The following GALNT13 variants were observed in gnomAD, a reference collection of about 807,000 sequenced individuals.
The protein encoded by GALNT13 is UDP-GalNAc:polypeptide N-acetylgalactosaminyltransferase 13.
A neutral mutation model predicts 64.2 loss-of-function variants in GALNT13; 28 were observed. The observed-to-expected ratio is 0.44, with a 90% CI of 0.32 to 0.60. GALNT13 has a LOEUF of 0.60. GALNT13 is among the 20% of genes least tolerant of loss of function. GALNT13 has a pLI of 0.05. For synonymous variants in GALNT13, 214 were observed against 224.6 expected (o/e 0.95, Z 0.42); for missense variants, 577 against 669.8 (o/e 0.86, Z 1.53).
At chr2:153,950,782 T>C (rs1334919545) in intron 3 of GALNT13, among the ~76,000 whole-genome samples, 4 of 152,104 alleles carry the variant, frequency 2.6e-5, no homozygotes, top group African/African-American at 4.8e-5. Context: ...CTTGAACATA[T>C]AATAGTAAAT....
chr2:154,302,764 G>T (rs939963315), intron 9 of GALNT13, among the ~76,000 whole-genome samples: 6 of 152,206 alleles, frequency 3.9e-5, no homozygotes, highest in African/African-American at 1.4e-4. Context: ...ATAGGAAAGA[G>T]TGACTGGGTT....
intron 4 of GALNT13, among the ~76,000 whole-genome samples, chr2:154,159,176 C>T (rs909860650): frequency 6.6e-6 from 1 of 150,832 alleles, no homozygotes; most frequent in African/African-American, 2.4e-5. Context: ...ACTCTGTTGC[C>T]CAGGCTGGAA....
the GALNT13 span, among the ~76,000 whole-genome samples, chr2:153,224,829 T>G: frequency 1.3e-4 from 20 of 152,332 alleles, no homozygotes; most frequent in African/African-American, 4.8e-4. Context: ...CCTTTACATA[T>G]TAAATATTTT....
the GALNT13 span, among the ~76,000 whole-genome samples, chr2:153,382,546 T>A: frequency 1.3e-5 from 2 of 152,146 alleles, no homozygotes; most frequent in Non-Finnish European, 2.9e-5. Flanking sequence ...GGTGTATATG[T>A]ACTACATTTT....
At chr2:154,288,693 G>T (rs1692420223) in intron 8 of GALNT13, among the ~76,000 whole-genome samples, 1 of 152,192 alleles carries the variant, frequency 6.6e-6, no homozygotes, top group South Asian at 2.1e-4. Context: ...GCTCCCAAAT[G>T]ATTCCGTTGA....
intron 3 of GALNT13, among the ~76,000 whole-genome samples, chr2:154,055,492 A>G (rs1699851752): frequency 6.6e-6 from 1 of 152,146 alleles, no homozygotes; most frequent in Admixed American, 6.5e-5. Context: ...TATAATCATT[A>G]AAACTGTTAA....
the GALNT13 span, among the ~76,000 whole-genome samples, chr2:153,242,304 A>G: frequency 6.6e-6 from 1 of 152,164 alleles, no homozygotes; most frequent in African/African-American, 2.4e-5. Context: ...CATCATGGAT[A>G]GCTTCTGATT....
chr2:153,690,310 C>T, the GALNT13 span, among the ~76,000 whole-genome samples: 4 of 152,044 alleles, frequency 2.6e-5, no homozygotes, highest in African/African-American at 7.2e-5. Flanking sequence ...TTGAAAAATT[C>T]GTAGAGGATT....
intron 10 of GALNT13, among the ~76,000 whole-genome samples, chr2:154,402,010 A>G (rs1699323294): frequency 2.0e-5 from 3 of 152,190 alleles, no homozygotes; most frequent in Admixed American, 6.5e-5. Flanking sequence ...TATTATGGAA[A>G]TATTAACATT....
the GALNT13 span, among the ~76,000 whole-genome samples, chr2:153,132,301 G>A: frequency 6.6e-6 from 1 of 152,282 alleles, no homozygotes; most frequent in African/African-American, 2.4e-5. Context: ...TTCTCTGACT[G>A]TATGTTCCCC....
intron 3 of GALNT13, among the ~76,000 whole-genome samples, chr2:154,138,969 GACA>G (rs1318535414): frequency 3.3e-5 from 5 of 151,918 alleles, no homozygotes; most frequent in Non-Finnish European, 5.9e-5. Flanking sequence ...TTATTTTGAT[GACA>G]ACTTTTTAAA....
chr2:153,778,767 C>G, the GALNT13 span, among the ~76,000 whole-genome samples: 1 of 152,152 alleles, frequency 6.6e-6, no homozygotes, highest in Non-Finnish European at 1.5e-5. Flanking sequence ...TTAAGCAGTA[C>G]AAGTGCAGTT....
At chr2:154,126,722 T>C (rs1682299777) in intron 3 of GALNT13, among the ~76,000 whole-genome samples, 1 of 152,282 alleles carries the variant, frequency 6.6e-6, no homozygotes, top group South Asian at 2.1e-4. Flanking sequence ...GATTTTGTGA[T>C]TTTCTAATTC....
chr2:153,537,571 T>C, the GALNT13 span, among the ~76,000 whole-genome samples: 1 of 152,210 alleles, frequency 6.6e-6, no homozygotes, highest in African/African-American at 2.4e-5. Context: ...TTTCTGTGAC[T>C]TGTATGGTTT....
chr2:154,318,522 T>C (rs1694444994), intron 9 of GALNT13, among the ~76,000 whole-genome samples: 1 of 151,970 alleles, frequency 6.6e-6, no homozygotes, highest in African/African-American at 2.4e-5. Flanking sequence ...GGTCAGGAGT[T>C]CGAGACTAAC....
intron 3 of GALNT13, among the ~76,000 whole-genome samples, chr2:154,049,183 TCTGATACA>T (rs1699443267): frequency 6.6e-6 from 1 of 151,904 alleles, no homozygotes; most frequent in African/African-American, 2.4e-5. Flanking sequence ...CAGTGCCTCA[TCTGATACA>T]CTGATACACT....
chr2:154,379,022 A>G (rs1698135125), intron 9 of GALNT13, among the ~76,000 whole-genome samples: 1 of 152,064 alleles, frequency 6.6e-6, no homozygotes, highest in Admixed American at 6.6e-5. Context: ...GTAAAATGAA[A>G]CCATAATAAC....
chr2:153,579,161 A>T, the GALNT13 span, among the ~76,000 whole-genome samples: 2 of 152,176 alleles, frequency 1.3e-5, no homozygotes, highest in African/African-American at 4.8e-5. Context: ...CCTTCTCTCT[A>T]CCTAGAGATT....
At chr2:153,600,861 A>G in the GALNT13 span, among the ~76,000 whole-genome samples, 1 of 152,112 alleles carries the variant, frequency 6.6e-6, no homozygotes, top group Admixed American at 6.6e-5. Context: ...AGACTTCTAA[A>G]TATAGCTGTA....
Sources: allele counts gnomAD v4.1 joint callset (sites outside exome capture counted in the v4.1 genomes callset), GRCh38; gene constraint gnomAD v4.1.1; transcripts MANE v1.5; gene names NCBI Gene and HGNC (gene_info 2026-07-23, HGNC 2026-07-21).